Variants in RAPGEF6 observed in about 807,000 individuals in gnomAD.
The protein encoded by RAPGEF6 is Rap guanine nucleotide exchange factor 6.
Under a neutral mutation model 171.4 loss-of-function variants are expected in RAPGEF6, and 56 were observed. The observed-to-expected ratio is 0.33, with a 90% confidence interval of 0.26 to 0.41. The LOEUF is 0.41. Among genes scored for constraint, RAPGEF6 ranks in the 10% least tolerant of loss-of-function variants. The pLI is 1.00. For missense variants in RAPGEF6, 1,674 were observed against 1,921.4 expected, an observed-to-expected ratio of 0.87 and a Z score of 2.41; for synonymous variants, 692 against 650.1, an observed-to-expected ratio of 1.06 and a Z score of -0.98.
intron 4 of RAPGEF6, among the ~76,000 whole-genome samples, chr5:131,585,003 T>TTAA (rs1349342859): frequency 6.6e-6 from 1 of 152,004 alleles, no homozygotes; most frequent in African/African-American, 2.4e-5. Flanking sequence ...GGATACTTTA[T>TTAA]TAAAGAAAAA....
rs139478340 is a variant in RAPGEF6 at position 131,502,482 on chromosome 5, T to C, written c.1254+2144A>G. 3.9e-4 allele frequency among the ~76,000 whole-genome samples: 59 copies of C among 152,306 alleles called. No homozygotes were observed. In the East Asian group the frequency reaches 8.5e-3, roughly 22 times the overall value. ...TCAGTAATCATGGCTAACTTCACCATTGGTAGGACAACAGGTTGACATTGT... is the reference window on the plus strand; with the variant it reads ...TCAGTAATCATGGCTAACTTCACCACTGGTAGGACAACAGGTTGACATTGT... On this transcript the variant is annotated intron_variant, in intron 11 of 27. Transcript: ENST00000509018.
intron 4 of RAPGEF6, among the ~76,000 whole-genome samples, chr5:131,582,713 T>C (rs1336699521): frequency 6.6e-6 from 1 of 152,176 alleles, no homozygotes; most frequent in Non-Finnish European, 1.5e-5. Flanking sequence ...GACTTACATA[T>C]AGCATACAAG....
chr5:131,594,776 G>A (rs934595005), intron 3 of RAPGEF6, among the ~76,000 whole-genome samples: 1 of 152,368 alleles, frequency 6.6e-6, no homozygotes, highest in African/African-American at 2.4e-5. Context: ...TTATTTGGAA[G>A]CTTTAAGATT....
intron 17 of RAPGEF6, among the ~76,000 whole-genome samples, chr5:131,467,702 T>C (rs1195304662): frequency 2.6e-5 from 4 of 152,158 alleles, no homozygotes; most frequent in Non-Finnish European, 4.4e-5. Flanking sequence ...CAGACAAAAA[T>C]ACAGTACAAT....
intron 17 of RAPGEF6, among the ~76,000 whole-genome samples, chr5:131,464,714 C>T (rs551595171): frequency 4.8e-4 from 73 of 152,210 alleles, no homozygotes; most frequent in Middle Eastern, 3.4e-3. Flanking sequence ...TGATATGCCC[C>T]GTTACCCCCT....
At chr5:131,539,859 G>C (rs1219049653) in intron 6 of RAPGEF6, among the ~76,000 whole-genome samples, 1 of 152,202 alleles carries the variant, frequency 6.6e-6, no homozygotes, top group Admixed American at 6.6e-5. Context: ...TGCTACATTA[G>C]TAATGTGTGA....
intron 1 of RAPGEF6, among the ~76,000 whole-genome samples, chr5:131,609,320 T>C (rs1001032465): frequency 6.6e-6 from 1 of 152,066 alleles, no homozygotes; most frequent in South Asian, 2.1e-4. Flanking sequence ...TTCCAGTGCA[T>C]GGATGTCTGG....
chr5:131,505,501 A>C lies in RAPGEF6; in HGVS notation c.964T>G (p.Leu322Val). ...GQELDSWYVI[L>V]NGTVEISHPD... ...TGACTGATTTCCACAGTGCCGTTTAAAATAACATACCATGAGTCAAGCTAT... is the reference window on the plus strand; with the variant it reads ...TGACTGATTTCCACAGTGCCGTTTACAATAACATACCATGAGTCAAGCTAT... The change falls in exon 10 of 28, where the codon TTA (leucine) becomes GTA (valine). Residue 322 changes from leucine to valine, a missense_variant. This residue lies in a region of RAPGEF6 where 1,116 missense variants were observed against 1,321.5 expected (regional missense o/e 0.84). Coordinates refer to ENST00000509018, the MANE Select transcript of RAPGEF6 (RefSeq NM_016340.6). 5.0e-6 allele frequency: 8 copies of C among 1,613,466 alleles called. No individual in the cohort carries two copies. The highest frequency in any genetic ancestry group is 6.8e-6 in the Non-Finnish European group (8 of 1,179,678).
chr5:131,565,498 A>G (rs1230840531), intron 4 of RAPGEF6, among the ~76,000 whole-genome samples: 2 of 152,200 alleles, frequency 1.3e-5, no homozygotes, highest in Non-Finnish European at 2.9e-5. Context: ...TGACATAATG[A>G]CCCTAAAATT....
intron 4 of RAPGEF6, among the ~76,000 whole-genome samples, chr5:131,575,653 C>T (rs183125989): frequency 3.0e-4 from 46 of 152,302 alleles, no homozygotes; most frequent in African/African-American, 1.1e-3. Context: ...TGACTGACCC[C>T]ACAGACCCTA....
At chr5:131,548,320 CT>C (rs1760685778) in intron 5 of RAPGEF6, 130 bp from the exon 6 acceptor site, 7 of 803,906 alleles carry the variant, frequency 8.7e-6, no homozygotes, top group Non-Finnish European at 1.4e-5. Flanking sequence ...AGAAAACAGT[CT>C]GTATAGCACA....
At chr5:131,447,715 T>C (rs751484422) in intron 21 of RAPGEF6, among the ~76,000 whole-genome samples, 1 of 152,250 alleles carries the variant, frequency 6.6e-6, no homozygotes, top group Non-Finnish European at 1.5e-5. Context: ...AGTGCTCATA[T>C]ATCTACTTTA....
At position 131,607,938 on chromosome 5, in the gene RAPGEF6, T is replaced by C. The variant is rs542630653; in HGVS notation, c.70-3245A>G. The stretch of plus-strand genomic sequence containing the variant: ...AGACAAATATATAAAACGTTTTTCA[T>C]AAGATAGGACATCCGGAAATATCTA... On this transcript the variant is annotated intron_variant, in intron 1 of 27. Transcript: ENST00000509018. Among the ~76,000 whole-genome samples, 332 of 152,312 alleles carry C rather than the reference T, an allele frequency of 2.2e-3. 1 individual carries two copies. The highest frequency in any genetic ancestry group is 7.8e-3 in the African/African-American group (325 of 41,566).
rs565166883 is a variant in RAPGEF6, at chr5:131,575,579, C to T, written c.282-13532G>A. Among the ~76,000 whole-genome samples the T allele has an allele frequency of 3.3e-5, 5 of 152,292 alleles. No individual in the cohort carries two copies. The South Asian group carries it at 6.2e-4, about 19-fold the overall frequency. On this transcript the variant is annotated intron_variant, in intron 4 of 27. Transcript: ENST00000509018. ...CTTCCTAGGCGTGGTTGCACACTTT[C>T]GCCTTTGGATACCAGGTTTTGCCAT...
At chr5:131,494,425 T>C (rs1037693275) in intron 13 of RAPGEF6, among the ~76,000 whole-genome samples, 41 of 152,130 alleles carry the variant, frequency 2.7e-4, no homozygotes, top group Non-Finnish European at 8.8e-5. Flanking sequence ...GAATCCTATA[T>C]AGAAAGGAAA....
intron 14 of RAPGEF6, among the ~76,000 whole-genome samples, chr5:131,490,696 A>C (rs1366146761): frequency 1.3e-5 from 2 of 152,336 alleles, no homozygotes; most frequent in East Asian, 3.9e-4. Context: ...TCTATTGAAC[A>C]CAAGTATCTT....
At chr5:131,507,866 T>A (rs2149892128) in intron 9 of RAPGEF6, among the ~76,000 whole-genome samples, 1 of 152,320 alleles carries the variant, frequency 6.6e-6, no homozygotes, top group African/African-American at 2.4e-5. Context: ...CAGAGTCTAC[T>A]GCGAATAAAT....
chr5:131,484,652 C>A (rs1018539961), intron 15 of RAPGEF6, among the ~76,000 whole-genome samples: 1 of 151,938 alleles, frequency 6.6e-6, no homozygotes, highest in Non-Finnish European at 1.5e-5. Context: ...CATAAAAGTA[C>A]AAAGAATTTT....
At chr5:131,534,771 T>C (rs1052785423) in intron 6 of RAPGEF6, among the ~76,000 whole-genome samples, 6 of 152,022 alleles carry the variant, frequency 3.9e-5, no homozygotes, top group Admixed American at 6.6e-5. Context: ...TCACTTAAGA[T>C]AAAATTTCTA....
Sources: gnomAD v4.1 joint callset for allele counts (sites outside exome capture counted in the v4.1 genomes callset) on GRCh38, gnomAD v4.1.1 for gene constraint, gnomAD v4.1.1 regional missense constraint, MANE v1.5 for transcripts, NCBI Gene and HGNC (gene_info 2026-07-23, HGNC 2026-07-21) for gene names.